Variants in FGF12 observed in about 807,000 individuals in gnomAD.
FGF12 encodes the protein fibroblast growth factor 12B.
In FGF12, 14 loss-of-function variants were observed where a neutral mutation model predicts 23.6. The ratio of observed to expected loss-of-function variants is 0.59; its 90% CI spans 0.39 to 0.93. FGF12 has a LOEUF of 0.93. FGF12 is among the 40% of genes least tolerant of loss of function. The probability of loss-of-function intolerance (pLI) is 0.00; values close to 1 mark genes in which losing one functional copy is unlikely to be tolerated. For synonymous variants in FGF12, 62 were observed against 77.3 expected (o/e 0.80, Z 1.04); for missense variants, 175 against 217.8 (o/e 0.80, Z 1.24).
At chr3:192,381,281 T>G (rs1235220009) in intron 2 of FGF12, among the ~76,000 whole-genome samples, 1 of 152,128 alleles carries the variant, frequency 6.6e-6, no homozygotes. Context: ...AACAACAAGG[T>G]ACAGGTAATC....
chr3:192,154,143 G>C (rs1375120813), intron 5 of FGF12, among the ~76,000 whole-genome samples: 1 of 114,592 alleles, frequency 8.7e-6, no homozygotes, highest in Non-Finnish European at 1.9e-5. Flanking sequence ...TGTAGTTCTC[G>C]AGCCTTGGTT....
rs1317604385 is a variant in FGF12, at chr3:192,409,691, G to A, written c.14-49153C>T. 1.3e-5 allele frequency among the ~76,000 whole-genome samples: 2 copies of A among 152,178 alleles called. No homozygotes were observed. The highest frequency in any genetic ancestry group is 3.9e-4 in the East Asian group (2 of 5,178). On this transcript the variant is annotated intron_variant, in intron 2 of 5. Coordinates refer to ENST00000445105, the MANE Select transcript of FGF12 (RefSeq NM_004113.6). The surrounding 1 kb of genome is among the most constrained non-coding windows in gnomAD (Gnocchi z 4.8). ...CTCGCGGCGGCTGAGGCTCCTGGCC[G>A]GAGCTGCCCACCATGGTCTGGCGCC...
intron 4 of FGF12, among the ~76,000 whole-genome samples, chr3:192,264,653 A>G (rs1560041751): frequency 6.6e-6 from 1 of 152,144 alleles, no homozygotes; most frequent in Non-Finnish European, 1.5e-5. Flanking sequence ...AACGTTGCCA[A>G]GGTCATACTT....
intron 2 of FGF12, among the ~76,000 whole-genome samples, chr3:192,599,272 A>AATAATAATAATTATT (rs1268299389): frequency 8.0e-5 from 12 of 150,032 alleles, no homozygotes; most frequent in African/African-American, 2.7e-4. Context: ...TAATAATAAT[A>AATAATAATAATTATT]ATAATAATAA....
chr3:192,382,132 G>A (rs1172326436), intron 2 of FGF12, among the ~76,000 whole-genome samples: 43 of 152,112 alleles, frequency 2.8e-4, no homozygotes, highest in Admixed American at 2.8e-3. Context: ...GAGTAGCTGG[G>A]ACTACAGGCA....
At chr3:192,554,592 T>C (rs961924112) in intron 2 of FGF12, among the ~76,000 whole-genome samples, 13 of 152,228 alleles carry the variant, frequency 8.5e-5, no homozygotes, top group African/African-American at 2.4e-4. Flanking sequence ...AGCCAGTTCA[T>C]AAAAACTGAT....
Position 192,197,379 on chromosome 3 carries a change from C to T in FGF12, c.229-26723G>A, listed in dbSNP as rs376653515. 1.1e-4 allele frequency among the ~76,000 whole-genome samples: 17 copies of T among 152,156 alleles called. No individual in the cohort carries two copies. In the East Asian group the frequency reaches 1.5e-3, roughly 14 times the overall value. On this transcript the variant is annotated intron_variant, in intron 4 of 5. Transcript: ENST00000445105. Reference sequence around the variant, plus strand: ...TGAGGTTTTTATATTGGGGATAAAACGAAGTCTGCGTTATATGAAATTTAA... The same window carrying T: ...TGAGGTTTTTATATTGGGGATAAAATGAAGTCTGCGTTATATGAAATTTAA...
chr3:192,206,011 A>T (rs776514844), intron 4 of FGF12, among the ~76,000 whole-genome samples: 2 of 152,186 alleles, frequency 1.3e-5, no homozygotes, highest in Non-Finnish European at 2.9e-5. Flanking sequence ...TCACCAAGAG[A>T]AGGTCACAGG....
At chr3:192,622,953 C>T (rs779021539) in intron 2 of FGF12, among the ~76,000 whole-genome samples, 2 of 152,198 alleles carry the variant, frequency 1.3e-5, no homozygotes, top group Non-Finnish European at 2.9e-5. Context: ...GCAGCAAGCA[C>T]TTAATATATT....
chr3:192,264,782 C>G (rs2108621152), intron 4 of FGF12, among the ~76,000 whole-genome samples: 1 of 152,184 alleles, frequency 6.6e-6, no homozygotes, highest in African/African-American at 2.4e-5. Flanking sequence ...TCTCAACCAA[C>G]AAGAGTGGAA....
chr3:192,200,505 AAG>A (rs1437214187), intron 4 of FGF12, among the ~76,000 whole-genome samples: 1 of 152,180 alleles, frequency 6.6e-6, no homozygotes, highest in Non-Finnish European at 1.5e-5. Context: ...TACATTAAGA[AAG>A]AAACTTTCAC....
chr3:192,513,675 A>G (rs1327000495), intron 2 of FGF12, among the ~76,000 whole-genome samples: 1 of 152,202 alleles, frequency 6.6e-6, no homozygotes, highest in Non-Finnish European at 1.5e-5. Flanking sequence ...ATGTTGTTAA[A>G]TTTTTGAAAA....
At chr3:192,357,712 A>G (rs768318940) in intron 3 of FGF12, among the ~76,000 whole-genome samples, 13 of 152,232 alleles carry the variant, frequency 8.5e-5, no homozygotes, top group Non-Finnish European at 1.5e-4. Context: ...TGAGGCATCA[A>G]TCAAAATCTT....
chr3:192,377,325 C>T (rs916962576), intron 2 of FGF12, among the ~76,000 whole-genome samples: 2 of 152,176 alleles, frequency 1.3e-5, no homozygotes, highest in African/African-American at 4.8e-5. Context: ...TAGTAATCGC[C>T]ACCTGAAGTA....
intron 2 of FGF12, among the ~76,000 whole-genome samples, chr3:192,681,598 A>G (rs1270434631): frequency 2.0e-5 from 3 of 152,230 alleles, no homozygotes. Context: ...GGGATTTAGA[A>G]ATGAATAAAG....
intron 2 of FGF12, among the ~76,000 whole-genome samples, chr3:192,368,725 C>A (rs1054972878): frequency 2.0e-5 from 3 of 152,118 alleles, no homozygotes; most frequent in Non-Finnish European, 2.9e-5. Flanking sequence ...TGACCATGCC[C>A]ATTCACTCAT....
At chr3:192,254,070 A>G (rs1190639420) in intron 4 of FGF12, among the ~76,000 whole-genome samples, 1 of 151,902 alleles carries the variant, frequency 6.6e-6, no homozygotes, top group East Asian at 1.9e-4. Flanking sequence ...GATTTTCAAG[A>G]ATACATTGTT....
chr3:192,396,115 TAA>T, intron 2 of FGF12, among the ~76,000 whole-genome samples: 1 of 152,344 alleles, frequency 6.6e-6, no homozygotes, highest in South Asian at 2.1e-4. Context: ...AGATTGTGGC[TAA>T]GTTTTTTAAA....
intron 2 of FGF12, among the ~76,000 whole-genome samples, chr3:192,388,961 A>T (rs1275491199): frequency 6.6e-6 from 1 of 152,180 alleles, no homozygotes; most frequent in Non-Finnish European, 1.5e-5. Flanking sequence ...AATTACTGAA[A>T]AAAAGAAGCC....
Sources: allele counts gnomAD v4.1 joint callset (sites outside exome capture counted in the v4.1 genomes callset), GRCh38; gene constraint gnomAD v4.1.1; non-coding constraint Gnocchi (gnomAD v3.1); transcripts MANE v1.5; gene names NCBI Gene and HGNC (gene_info 2026-07-23, HGNC 2026-07-21).